The following RBM12 variants were observed in gnomAD, a reference collection of about 807,000 sequenced individuals.
The protein encoded by RBM12 is RNA-binding protein 12.
Under a neutral mutation model 37.2 loss-of-function variants are expected in RBM12, and 24 were observed. The ratio of observed to expected loss-of-function variants is 0.65; its 90% CI spans 0.47 to 0.91. The LOEUF (loss-of-function observed/expected upper bound fraction) is 0.91, where lower values mean the gene tolerates loss of function less well. Among genes scored for constraint, RBM12 ranks in the 40% least tolerant of loss-of-function variants. The probability of loss-of-function intolerance (pLI) is 0.00; values close to 1 mark genes in which losing one functional copy is unlikely to be tolerated. For missense variants in RBM12, 1,061 were observed against 1,183.2 expected, an observed-to-expected ratio of 0.90 and a Z score of 1.52; for synonymous variants, 420 against 425.2, an observed-to-expected ratio of 0.99 and a Z score of 0.15.
At chr20:35,662,007 A>C (rs535756932) in intron 1 of RBM12, among the ~76,000 whole-genome samples, 8 of 152,312 alleles carry the variant, frequency 5.3e-5, no homozygotes, top group African/African-American at 1.9e-4. Context: ...ATTATGAAAC[A>C]ACCACAGTTT....
rs2033576384 is a variant in RBM12 at position 35,652,259 on chromosome 20, T to C, written c.*265A>G. The stretch of plus-strand genomic sequence containing the variant: ...CTCCTTGATAAGCTTTATGTGGTCA[T>C]TTGAGTTTTACAAATGGTTTCTCTA... On this transcript the variant is annotated 3_prime_UTR_variant, in exon 3 of 3. Transcript: ENST00000374114. The C allele has an allele frequency of 3.0e-6, 1 of 336,850 alleles. No homozygotes were observed. The highest frequency in any genetic ancestry group is 5.4e-6 in the Non-Finnish European group (1 of 184,458). The allele number at this position is 336,850 out of a possible 1,614,324, so 20.9% of individuals were successfully genotyped here.
intron 1 of RBM12, among the ~76,000 whole-genome samples, chr20:35,660,366 G>A (rs1283477670): frequency 5.3e-5 from 8 of 151,982 alleles, no homozygotes; most frequent in Admixed American, 2.0e-4. Context: ...ACAGGCTTGC[G>A]CCACCACCCG....
Position 35,655,245 on chromosome 20 carries a change from C to A in RBM12, c.78G>T (p.Leu26Phe). ...TATGCACGCCCCCATCAGGAATGGT[C>A]AATCCAGAGAAGAAGTGGCGAATGT... ...TMDIRHFFSGLTIPDGGVHIV... is the reference protein window; with the variant it reads ...TMDIRHFFSGFTIPDGGVHIV... The change falls in exon 3 of 3, where the codon TTG (leucine) becomes TTT (phenylalanine). Residue 26 changes from leucine to phenylalanine, a missense_variant. Leu to Phe is a conservative substitution (Grantham distance 22, BLOSUM62 0). Around this residue, in one of 3 missense-constraint regions of RBM12, gnomAD observed 540 missense variants for 632.7 expected, o/e 0.85. Transcript: ENST00000374114. 6.2e-7 allele frequency: 1 copy of A among 1,613,872 alleles called. No individual in the cohort carries two copies. The highest frequency in any genetic ancestry group is 8.5e-7 in the Non-Finnish European group (1 of 1,180,020).
Position 35,655,279 on chromosome 20 carries a change from C to G in RBM12, c.44G>C (p.Gly15Ala). 6.2e-7 allele frequency: 1 copy of G among 1,612,442 alleles called. No individual in the cohort carries two copies. Among genetic ancestry groups the G allele is most frequent in the Non-Finnish European group, 8.5e-7 (1 of 1,179,958 alleles). ...GAAGAAGTGGCGAATGTCCATGGTC[C>G]CCGCCACAATTGGGAGACCTTGCAA... ...IRLQGLPIVA[G>A]TMDIRHFFSG... Residue 15 changes from glycine to alanine, a missense_variant, in exon 3 of 3, where the codon GGG becomes GCG. This residue lies in a region of RBM12 where 540 missense variants were observed against 632.7 expected (regional missense o/e 0.85). Coordinates refer to ENST00000374114, the MANE Select transcript of RBM12 (RefSeq NM_006047.6).
rs760936506 is a variant in RBM12 at position 35,652,775 on chromosome 20, A to C, written c.2548T>G (p.Ser850Ala). The part of the protein sequence containing the change: ...IGGPPGFASS[S>A]GKPGPTVIKV... ...ATTACTGTCGGTCCTGGTTTTCCAG[A>C]ACTAGATGCAAAGCCAGGGGGACCA... The change falls in exon 3 of 3, where the codon TCT becomes GCT. Residue 850 changes from serine (S) to alanine (A), a missense_variant. Physicochemically the swap from Ser to Ala is moderately conservative, Grantham distance 99 (BLOSUM62 1). Transcript: ENST00000374114. The C allele has an allele frequency of 6.2e-7, 1 of 1,611,652 alleles. No homozygotes were observed. Among genetic ancestry groups the C allele is most frequent in the Non-Finnish European group, 8.5e-7 (1 of 1,178,534 alleles).
Position 35,653,314 on chromosome 20 carries a change from G to C in RBM12, c.2009C>G (p.Ala670Gly). 6.2e-7 allele frequency: 1 copy of C among 1,613,810 alleles called. No homozygotes were observed. The highest frequency in any genetic ancestry group is 8.5e-7 in the Non-Finnish European group (1 of 1,179,882). The change falls in exon 3 of 3, where the codon GCA becomes GGA. Residue 670 changes from alanine to glycine, a missense_variant. Ala to Gly is a moderately conservative substitution (Grantham distance 60). Transcript: ENST00000374114. ...AGGCAGTCCTGTGCTGGGCAGGCCT[G>C]CACCGGGAAGTCCTGCACTGGGCAG... ...VGLPSAGLPG[A>G]GLPSTGLPGS...
chr20:35,652,472 G>A lies in RBM12; in HGVS notation c.*52C>T, dbSNP rs2033588115. 2.0e-6 allele frequency: 3 copies of A among 1,531,158 alleles called. No homozygotes were observed. The highest frequency in any genetic ancestry group is 2.6e-6 in the Non-Finnish European group (3 of 1,134,612). 94.8% of individuals were successfully genotyped at this position (1,531,158 alleles called of 1,614,324 possible). A position where few individuals can be genotyped will look rare whatever the true frequency, so the allele number is the denominator to read the frequency against. On this transcript the variant is annotated 3_prime_UTR_variant, in exon 3 of 3. Coordinates refer to ENST00000374114, the MANE Select transcript of RBM12 (RefSeq NM_006047.6). ...GAAATACTAGGAAAACAATCTGGAT[G>A]CATTAATCACAGCAATATGAAGATC...
Position 35,652,436 on chromosome 20 carries a change from G to T in RBM12, c.*88C>A. 6.9e-7 allele frequency: 1 copy of T among 1,440,784 alleles called. No homozygotes were observed. Among genetic ancestry groups the T allele is most frequent in the Non-Finnish European group, 9.4e-7 (1 of 1,068,012 alleles). The allele number at this position is 1,440,784 out of a possible 1,614,324, so 89.2% of individuals were successfully genotyped here. ...TATATGCAATTGAAACAATCCACAG[G>T]TTCTAACCTGGAAATACTAGGAAAA... is the stretch of plus-strand genomic sequence containing the variant. On this transcript the variant is annotated 3_prime_UTR_variant, in exon 3 of 3. Transcript: ENST00000374114.
Position 35,653,600 on chromosome 20 carries a change from G to A in RBM12, c.1723C>T (p.His575Tyr), listed in dbSNP as rs541216065. 9 of 1,614,180 alleles carry A rather than the reference G, an allele frequency of 5.6e-6. No homozygotes were observed. The highest frequency in any genetic ancestry group is 5.9e-6 in the Non-Finnish European group (7 of 1,180,030). Reference protein sequence around the residue: ...EGIPVDENAVHVLVDNNGQGL... With the variant: ...EGIPVDENAVYVLVDNNGQGL... ...TGCCCATTGTTATCAACAAGAACATGTACAGCATTTTCATCCACTGGGATT... is the reference window on the plus strand; with the variant it reads ...TGCCCATTGTTATCAACAAGAACATATACAGCATTTTCATCCACTGGGATT... The change falls in exon 3 of 3, where the codon CAT becomes TAT. Residue 575 changes from histidine to tyrosine, a missense_variant. His to Tyr is a moderately conservative substitution (Grantham distance 83, BLOSUM62 2). Coordinates refer to ENST00000374114, the MANE Select transcript of RBM12 (RefSeq NM_006047.6).
chr20:35,663,829 C>T (rs2034376116), intron 1 of RBM12, among the ~76,000 whole-genome samples: 1 of 152,130 alleles, frequency 6.6e-6, no homozygotes, highest in African/African-American at 2.4e-5. Flanking sequence ...CCTCAAAGTC[C>T]CTCCCACCAC....
At position 35,649,571 on chromosome 20, in the gene RBM12, AT is replaced by A. The variant is rs1487447558; in HGVS notation, c.*2952del. 1 of 152,618 alleles carries A rather than the reference AT, an allele frequency of 6.6e-6. No homozygotes were observed. Among genetic ancestry groups the A allele is most frequent in the East Asian group, 1.9e-4 (1 of 5,204 alleles). The allele number at this position is 152,618 out of a possible 1,614,324, so 9.5% of individuals were successfully genotyped here. On this transcript the variant is annotated 3_prime_UTR_variant, in exon 3 of 3. Coordinates refer to ENST00000374114, the MANE Select transcript of RBM12 (RefSeq NM_006047.6). ...ACTACATTTCACTTAACACTGTTTC[AT>A]TTTTTAAAAAGCCACTAATAATAAT...
At position 35,655,282 on chromosome 20, in the gene RBM12, G is replaced by T; in HGVS notation, c.41C>A (p.Ala14Glu). 6.2e-7 allele frequency: 1 copy of T among 1,612,084 alleles called. No homozygotes were observed. ...VIRLQGLPIV[A>E]GTMDIRHFFS... ...GAAGTGGCGAATGTCCATGGTCCCC[G>T]CCACAATTGGGAGACCTTGCAAACG... Residue 14 changes from alanine to glutamate, a missense_variant, in exon 3 of 3, where the codon GCG becomes GAG. Coordinates refer to ENST00000374114, the MANE Select transcript of RBM12 (RefSeq NM_006047.6).
chr20:35,655,093 G>A lies in RBM12; in HGVS notation c.230C>T (p.Thr77Met). 1.2e-6 allele frequency: 2 copies of A among 1,614,084 alleles called. No individual in the cohort carries two copies. Among genetic ancestry groups the A allele is most frequent in the Non-Finnish European group, 1.7e-6 (2 of 1,180,032 alleles). The change falls in exon 3 of 3, where the codon ACG becomes ATG. Residue 77 changes from threonine (T) to methionine (M), a missense_variant. By Grantham distance (81) the Thr-to-Met change is moderately conservative. Transcript: ENST00000374114. The stretch of plus-strand genomic sequence containing the variant: ...CAGTTCAATCATATTCTGCATTTCC[G>A]TCTTACTACTCAACAATAGTGTTAC... ...SKVTLLLSSK[T>M]EMQNMIELSR...
chr20:35,658,332 C>T (rs936726710), intron 2 of RBM12, among the ~76,000 whole-genome samples: 34 of 152,114 alleles, frequency 2.2e-4, no homozygotes, highest in Non-Finnish European at 1.2e-4. Flanking sequence ...GTCTAAAATG[C>T]TACTAAGGAA....
rs768557530 is a variant in RBM12, at chr20:35,654,833, C to T, written c.490G>A (p.Ala164Thr). Residue 164 changes from alanine to threonine, a missense_variant, in exon 3 of 3, where the codon GCT (alanine) becomes ACT (threonine). Coordinates refer to ENST00000374114, the MANE Select transcript of RBM12 (RefSeq NM_006047.6). ...CTAAACGTTGGGCTCCCAAAGGAAGCCCCCATATTTGGAGGAGCTGTTCCT... is the reference window on the plus strand; with the variant it reads ...CTAAACGTTGGGCTCCCAAAGGAAGTCCCCATATTTGGAGGAGCTGTTCCT... The part of the protein sequence containing the change: ...SVGTAPPNMG[A>T]SFGSPTFSST... The T allele has an allele frequency of 5.6e-6, 9 of 1,614,038 alleles. No homozygotes were observed. The East Asian group carries it at 6.7e-5, about 12-fold the overall frequency.
At chr20:35,660,158 T>C (rs1226976366) in intron 1 of RBM12, among the ~76,000 whole-genome samples, 5 of 152,234 alleles carry the variant, frequency 3.3e-5, no homozygotes, top group Non-Finnish European at 7.3e-5. Flanking sequence ...ATCAAAAGTC[T>C]AGAGCATTGT....
intron 1 of RBM12, among the ~76,000 whole-genome samples, chr20:35,663,816 G>A (rs1450970595): frequency 1.3e-5 from 2 of 152,146 alleles, no homozygotes; most frequent in East Asian, 3.8e-4. Context: ...CTAACCTGTA[G>A]ATCCTCAAAG....
intron 2 of RBM12, 122 bp downstream of exon 2, chr20:35,658,800 AAAACACAC>A (rs2034057539): frequency 4.2e-6 from 2 of 481,466 alleles, no homozygotes; most frequent in African/African-American, 6.7e-5. Context: ...CAAGCAAACA[AAAACACAC>A]ACACACACAC....
At position 35,659,152 on chromosome 20, in the gene RBM12, A is replaced by G. The variant is rs543370527; in HGVS notation, c.-107-138T>C. 63 of 463,232 alleles carry G rather than the reference A, an allele frequency of 1.4e-4. 1 individual carries two copies. The highest frequency in any genetic ancestry group is 9.8e-4 in the East Asian group (29 of 29,670). The allele number at this position is 463,232 out of a possible 1,614,324, so 28.7% of individuals were successfully genotyped here. A position where few individuals can be genotyped will look rare whatever the true frequency, so the allele number is the denominator to read the frequency against. On this transcript the variant is annotated intron_variant, in intron 1 of 2. Coordinates refer to ENST00000374114, the MANE Select transcript of RBM12 (RefSeq NM_006047.6). ...AGAATGCATATCAAAAAAAAAAAAAAAAAGAAAGACACCGTAACAAAATCC... is the reference window on the plus strand; with the variant it reads ...AGAATGCATATCAAAAAAAAAAAAAGAAAGAAAGACACCGTAACAAAATCC...
Sources: allele counts gnomAD v4.1 joint callset (sites outside exome capture counted in the v4.1 genomes callset), GRCh38; gene constraint gnomAD v4.1.1; regional missense constraint gnomAD v4.1.1; transcripts MANE v1.5; gene names NCBI Gene and HGNC (gene_info 2026-07-23, HGNC 2026-07-21).